Variants in PSG5 observed in about 807,000 individuals in gnomAD.
PSG5 encodes the protein pregnancy-specific beta-1-glycoprotein 5.
A neutral mutation model predicts 37.7 loss-of-function variants in PSG5; 53 were observed. The ratio of observed to expected loss-of-function variants is 1.41; its 90% confidence interval spans 1.13 to 1.77. The LOEUF (loss-of-function observed/expected upper bound fraction) is 1.77. Among genes scored for constraint, PSG5 ranks in the 40% most tolerant of loss-of-function variants. The pLI, the probability that PSG5 is intolerant of heterozygous loss-of-function variation, is 0.00. For missense variants in PSG5, 547 were observed against 405.2 expected, an observed-to-expected ratio of 1.35 and a Z score of -3.00; for synonymous variants, 221 against 155.4, an observed-to-expected ratio of 1.42 and a Z score of -3.14.
At chr19:43,186,302 C>T in intron 1 of PSG5, 40 bp downstream of exon 1, 1 of 1,610,764 alleles carries the variant, frequency 6.2e-7, no homozygotes. Flanking sequence ...AGTCACTCTT[C>T]TTCCTCCTCC....
chr19:43,186,059 T>C lies in PSG5; in HGVS notation c.64+283A>G, dbSNP rs1966932188. 4.6e-5 allele frequency among the ~76,000 whole-genome samples: 7 copies of C among 151,246 alleles called. No homozygotes were observed. The South Asian group carries it at 8.4e-4, about 18-fold the overall frequency. On this transcript the variant is annotated intron_variant, in intron 1 of 5. Transcript: ENST00000342951. Reference sequence around the variant, plus strand: ...TGGTGCTATCTCGGCTCGCTGCAACTTCTGCCTCCCGGGTTCATGTGATTT... The same window carrying C: ...TGGTGCTATCTCGGCTCGCTGCAACCTCTGCCTCCCGGGTTCATGTGATTT...
intron 4 of PSG5, chr19:43,170,565 C>A: frequency 2.6e-6 from 1 of 385,324 alleles, no homozygotes; most frequent in Non-Finnish European, 5.1e-6. Flanking sequence ...ATTTCACATT[C>A]ATCACCTCCT....
rs547787548 is a variant in PSG5, at chr19:43,185,318, T to C, written c.65-171A>G. ...GTTAGTTTGTGTGTGTGTATGTGTG[T>C]GTGTCCTACTGTCCTACTAGGTCAA... On this transcript the variant is annotated intron_variant, in intron 1 of 5. Coordinates refer to ENST00000342951, the MANE Select transcript of PSG5 (RefSeq NM_002781.4). Among the ~76,000 whole-genome samples the C allele has an allele frequency of 2.6e-5, 4 of 151,386 alleles. No homozygotes were observed. The South Asian group carries it at 6.2e-4, about 24-fold the overall frequency.
chr19:43,169,759 T>A, intron 5 of PSG5, among the ~76,000 whole-genome samples: 1 of 151,664 alleles, frequency 6.6e-6, no homozygotes, highest in South Asian at 2.1e-4. Context: ...AGAATTACAC[T>A]ATTGAGAGAT....
At chr19:43,184,592 T>C (rs1969202176) in intron 2 of PSG5, among the ~76,000 whole-genome samples, 190 bp downstream of exon 2, 1 of 151,454 alleles carries the variant, frequency 6.6e-6, no homozygotes, top group South Asian at 2.1e-4. Flanking sequence ...AGGGTCTGGA[T>C]GCGGGAAAGG....
chr19:43,168,016 T>C lies in PSG5; in HGVS notation c.*228A>G. The stretch of plus-strand genomic sequence containing the variant: ...AGTTTTTTTCTTCTTTGTCTAGAAT[T>C]TCATGAAGGTATCAGCCTGTTCATT... On this transcript the variant is annotated 3_prime_UTR_variant, in exon 6 of 6. Transcript: ENST00000342951. The C allele has an allele frequency of 2.4e-6, 1 of 412,214 alleles. No homozygotes were observed. The highest frequency in any genetic ancestry group is 3.6e-5 in the East Asian group (1 of 27,852). The allele number at this position is 412,214 out of a possible 1,614,324, so 25.5% of individuals were successfully genotyped here. A position where few individuals can be genotyped will look rare whatever the true frequency, so the allele number is the denominator to read the frequency against.
chr19:43,182,639 T>C (rs1034079287), intron 2 of PSG5, among the ~76,000 whole-genome samples: 8 of 149,134 alleles, frequency 5.4e-5, no homozygotes, highest in African/African-American at 7.4e-5. Context: ...AATAAACCTC[T>C]GTCCTCCTGT....
rs749784347 is a variant in PSG5 at position 43,184,822 on chromosome 19, C to G, written c.390G>C (p.Arg130Ser). The change falls in exon 2 of 6, where the codon AGG becomes AGC. Residue 130 changes from arginine (R) to serine (S), a missense_variant. Coordinates refer to ENST00000342951, the MANE Select transcript of PSG5 (RefSeq NM_002781.4). ...YTLHIIKRGDRTRGVTGYFTF... is the reference protein window; with the variant it reads ...YTLHIIKRGDSTRGVTGYFTF... The stretch of plus-strand genomic sequence containing the variant: ...TGAAATATCCAGTTACTCCTCTAGT[C>G]CTATCACCTCGCTTTATGATGTGTA... 1 of 1,612,354 alleles carries G rather than the reference C, an allele frequency of 6.2e-7. No individual in the cohort carries two copies. Among genetic ancestry groups the G allele is most frequent in the Admixed American group, 1.7e-5 (1 of 59,888 alleles).
chr19:43,177,795 C>A (rs574808395), intron 2 of PSG5, among the ~76,000 whole-genome samples: 21 of 151,548 alleles, frequency 1.4e-4, no homozygotes, highest in Non-Finnish European at 2.7e-4. Flanking sequence ...ACTGTATCTG[C>A]AACTTGCTTT....
chr19:43,185,859 CT>C (rs1966926928), intron 1 of PSG5, among the ~76,000 whole-genome samples: 13 of 139,198 alleles, frequency 9.3e-5, no homozygotes, highest in Admixed American at 2.9e-4. Context: ...TGTCGTGGCC[CT>C]CTTACCAATT....
chr19:43,178,249 A>C lies in PSG5; in HGVS notation c.431-2101T>G, dbSNP rs1267778470. Among the ~76,000 whole-genome samples, 27 of 151,430 alleles carry C rather than the reference A, an allele frequency of 1.8e-4. 2 individuals carry two copies. The highest frequency in any genetic ancestry group is 6.6e-4 in the African/African-American group (27 of 40,952). ...ACCAGGGACTATGATCCTCTTGATTATGAGATTTGTTCCATCAGTGGCTGA... is the reference window on the plus strand; with the variant it reads ...ACCAGGGACTATGATCCTCTTGATTCTGAGATTTGTTCCATCAGTGGCTGA... On this transcript the variant is annotated intron_variant, in intron 2 of 5. Transcript: ENST00000342951.
chr19:43,186,216 T>G (rs1966936592), intron 1 of PSG5, 126 bp downstream of exon 1: 3 of 1,500,122 alleles, frequency 2.0e-6, no homozygotes, highest in Non-Finnish European at 1.8e-6. Context: ...GATCTCATAA[T>G]CCACCCACCT....
At chr19:43,170,830 C>G (rs1968890755) in intron 4 of PSG5, 1 of 152,268 alleles carries the variant, frequency 6.6e-6, no homozygotes, top group South Asian at 2.1e-4. Flanking sequence ...AGGTGTCCTC[C>G]CTGATAAATT....
rs145763516 is a variant in PSG5, at chr19:43,181,607, C to T, written c.430+3175G>A. ...CCAAGTAGCTGGGACTACAGGCATC[C>T]GCCACCACGCCCAGCTAATTTTTTG... is the stretch of plus-strand genomic sequence containing the variant. On this transcript the variant is annotated intron_variant, in intron 2 of 5. Coordinates refer to ENST00000342951, the MANE Select transcript of PSG5 (RefSeq NM_002781.4). 2.0e-4 allele frequency among the ~76,000 whole-genome samples: 30 copies of T among 151,758 alleles called. 1 individual carries two copies. The highest frequency in any genetic ancestry group is 1.4e-3 in the Admixed American group (21 of 15,214).
At chr19:43,176,825 G>T (rs1311481771) in intron 2 of PSG5, among the ~76,000 whole-genome samples, 1 of 150,730 alleles carries the variant, frequency 6.6e-6, no homozygotes, top group Non-Finnish European at 1.5e-5. Flanking sequence ...GATCTAGAAG[G>T]AGTCAAGGGG....
At position 43,175,984 on chromosome 19, in the gene PSG5, T is replaced by A; in HGVS notation, c.595A>T (p.Asn199Tyr). 6.2e-7 allele frequency: 1 copy of A among 1,611,668 alleles called. No individual in the cohort carries two copies. Among genetic ancestry groups the A allele is most frequent in the Non-Finnish European group, 8.5e-7 (1 of 1,179,174 alleles). The change falls in exon 3 of 6, where the codon AAC (asparagine) becomes TAC (tyrosine). Residue 199 changes from asparagine (N) to tyrosine (Y), a missense_variant. Asn to Tyr is a moderately radical substitution (Grantham distance 143). Coordinates refer to ENST00000342951, the MANE Select transcript of PSG5 (RefSeq NM_002781.4). ...VSPRVKRPIE[N>Y]RILILPSVTR... The stretch of plus-strand genomic sequence containing the variant: ...ACACTGGGTAGAATGAGGATCCTGT[T>A]TTCAATGGGTCGCTTTACCCTGGGA...
chr19:43,174,973 G>T, intron 4 of PSG5: 1 of 1,373,532 alleles, frequency 7.3e-7, no homozygotes, highest in East Asian at 2.5e-5. Context: ...ATAGGGCTCA[G>T]GGCTGATAAA....
chr19:43,175,479 A>T lies in PSG5; in HGVS notation c.710-10T>A, dbSNP rs1371977761. The T allele has an allele frequency of 3.1e-6, 5 of 1,599,024 alleles. No homozygotes were observed. The highest frequency in any genetic ancestry group is 4.3e-6 in the Non-Finnish European group (5 of 1,172,346). ...GGGAGGTCTGGACCATCTGGAGCAA[A>T]GAGAATGAAGCCACAGGTGATGTCA... is the stretch of plus-strand genomic sequence containing the variant. On this transcript the variant is annotated splice_polypyrimidine_tract_variant and intron_variant, in intron 3 of 5. Coordinates refer to ENST00000342951, the MANE Select transcript of PSG5 (RefSeq NM_002781.4).
At position 43,183,472 on chromosome 19, in the gene PSG5, C is replaced by G. The variant is rs747404067; in HGVS notation, c.430+1310G>C. ...CGCTGGGCCTGTGCTGGAGCAGGGTCTGAGTGGGGAAAGAAAACAAAGTCC... is the reference window on the plus strand; with the variant it reads ...CGCTGGGCCTGTGCTGGAGCAGGGTGTGAGTGGGGAAAGAAAACAAAGTCC... On this transcript the variant is annotated intron_variant, in intron 2 of 5. Transcript: ENST00000342951. 89 of 528,956 alleles carry G rather than the reference C, an allele frequency of 1.7e-4. 2 individuals are homozygous for G. Among genetic ancestry groups the G allele is most frequent in the Middle Eastern group, 6.5e-4 (1 of 1,536 alleles). 32.8% of individuals were successfully genotyped at this position (528,956 alleles called of 1,614,324 possible).
Sources: gnomAD v4.1 joint callset for allele counts (sites outside exome capture counted in the v4.1 genomes callset) on GRCh38, gnomAD v4.1.1 for gene constraint, MANE v1.5 for transcripts, NCBI Gene and HGNC (gene_info 2026-07-23, HGNC 2026-07-21) for gene names.